Variants in SH3TC2 observed in about 807,000 individuals in gnomAD.
The protein encoded by SH3TC2 is SH3 domain and tetratricopeptide repeats 2, also known as SH3 domain and tetratricopeptide repeat-containing protein 2.
A neutral mutation model predicts 124.5 loss-of-function variants in SH3TC2; 87 were observed. The observed-to-expected ratio is 0.70, with a 90% CI of 0.59 to 0.84. The LOEUF (loss-of-function observed/expected upper bound fraction) is 0.84, where lower values mean the gene tolerates loss of function less well. SH3TC2 is among the 40% of genes least tolerant of loss of function. The pLI is 0.00. For missense variants in SH3TC2, 1,536 were observed against 1,566.4 expected (o/e 0.98, Z 0.33); for synonymous variants, 634 against 628.5 (o/e 1.01, Z -0.13).
intron 3 of SH3TC2, chr5:149,046,479 G>A (rs1284448934): frequency 2.0e-5 from 3 of 152,150 alleles, no homozygotes; most frequent in Non-Finnish European, 4.4e-5. Flanking sequence ...TTTCTTTCTT[G>A]GAAGTACATA....
At chr5:149,011,959 A>C (rs1364150665) in intron 13 of SH3TC2, among the ~76,000 whole-genome samples, 1 of 152,192 alleles carries the variant, frequency 6.6e-6, no homozygotes, top group Non-Finnish European at 1.5e-5. Context: ...AGTGAGATAT[A>C]TAATTTTTGT....
chr5:149,026,149 T>C (rs1432825992), intron 12 of SH3TC2: 4 of 177,356 alleles, frequency 2.3e-5, no homozygotes, highest in Admixed American at 1.6e-4. Flanking sequence ...AAGGTTCTTC[T>C]GTCCTTGGTA....
Position 149,027,559 on chromosome 5 carries a change from G to A in SH3TC2, c.2173C>T (p.Pro725Ser), listed in dbSNP as rs1187551270. 1 of 1,614,234 alleles carries A rather than the reference G, an allele frequency of 6.2e-7. No individual in the cohort carries two copies. Among genetic ancestry groups the A allele is most frequent in the Non-Finnish European group, 8.5e-7 (1 of 1,180,050 alleles). Reference protein sequence around the residue: ...LQNTTKLLGFPSPGWGEVSAL... With the variant: ...LQNTTKLLGFSSPGWGEVSAL... Reference sequence around the variant, plus strand: ...GAAACTTCACCCCAGCCTGGGGAAGGAAAGCCAAGGAGCTTGGTTGTGTTC... The same window carrying A: ...GAAACTTCACCCCAGCCTGGGGAAGAAAAGCCAAGGAGCTTGGTTGTGTTC... The change falls in exon 11 of 17, where the codon CCT (proline) becomes TCT (serine). Residue 725 changes from proline to serine, a missense_variant. This residue lies in a region of SH3TC2 where 1,102 missense variants were observed against 1,098.6 expected (regional missense o/e 1.00). Transcript: ENST00000515425.
intron 8 of SH3TC2, chr5:149,034,515 C>T: frequency 7.3e-6 from 3 of 413,200 alleles, no homozygotes; most frequent in Non-Finnish European, 1.5e-5. Flanking sequence ...AGAAACACAC[C>T]AAGTCCTGAG....
rs1024930411 is a variant in SH3TC2 at position 148,989,796 on chromosome 5, T to G, written c.*14915A>C. Among the ~76,000 whole-genome samples, 1 of 152,146 alleles carries G rather than the reference T, an allele frequency of 6.6e-6. No individual in the cohort carries two copies. Among genetic ancestry groups the G allele is most frequent in the African/African-American group, 2.4e-5 (1 of 41,432 alleles). ...ACCCAAGAGCTTCAACAATCTGGTA[T>G]TCAGAAGCAGCTGGAATGAACGGAG... On this transcript the variant is annotated 3_prime_UTR_variant, in exon 17 of 17. Transcript: ENST00000515425.
In SH3TC2 at chr5:149,026,840, G is replaced by A. The variant is rs372528082; in HGVS notation, c.2872+20C>T. 3.1e-6 allele frequency: 5 copies of A among 1,614,088 alleles called. No individual in the cohort carries two copies. The highest frequency in any genetic ancestry group is 4.2e-6 in the Non-Finnish European group (5 of 1,180,034). On this transcript the variant is annotated intron_variant, in intron 11 of 16. Transcript: ENST00000515425. ...CAACACTTTTCTCTATAGCTTCCCA[G>A]CAGCATGGGACATACTTACTCTTTA...
At chr5:149,052,828 G>T (rs1009097905) in intron 1 of SH3TC2, among the ~76,000 whole-genome samples, 3 of 152,138 alleles carry the variant, frequency 2.0e-5, no homozygotes, top group Non-Finnish European at 2.9e-5. Context: ...GGCTAGGGCT[G>T]GGGAGGAGGA....
intron 12 of SH3TC2, among the ~76,000 whole-genome samples, chr5:149,021,872 C>A (rs1753976511): frequency 4.5e-5 from 3 of 66,116 alleles, no homozygotes; most frequent in African/African-American, 2.7e-4. Context: ...ACCAATCCTT[C>A]ACAAACTCTT....
At chr5:149,055,203 A>G (rs753670510) in intron 1 of SH3TC2, among the ~76,000 whole-genome samples, 1 of 152,186 alleles carries the variant, frequency 6.6e-6, no homozygotes, top group Non-Finnish European at 1.5e-5. Context: ...AACTTCTATT[A>G]ATCAAAAGAT....
Position 148,994,533 on chromosome 5 carries a change from G to A in SH3TC2, c.*10178C>T, listed in dbSNP as rs529290892. Among the ~76,000 whole-genome samples, 8 of 152,248 alleles carry A rather than the reference G, an allele frequency of 5.3e-5. No homozygotes were observed. The East Asian group carries it at 1.5e-3, about 29-fold the overall frequency. On this transcript the variant is annotated 3_prime_UTR_variant, in exon 17 of 17. Coordinates refer to ENST00000515425, the MANE Select transcript of SH3TC2 (RefSeq NM_024577.4). ...TCACTGGATTGTGAGTTTAGCACAT[G>A]AGAGGTGTTGAATATTGGTTAGTTG... is the stretch of plus-strand genomic sequence containing the variant.
intron 3 of SH3TC2, 48 bp from the exon 4 acceptor site, chr5:149,044,686 A>G (rs773111761): frequency 7.0e-7 from 1 of 1,433,560 alleles, no homozygotes. Flanking sequence ...GAAGTGTCCC[A>G]TTAGCAAGCT....
intron 12 of SH3TC2, among the ~76,000 whole-genome samples, chr5:149,024,021 T>C (rs1044335968): frequency 3.9e-5 from 6 of 152,286 alleles, no homozygotes; most frequent in Middle Eastern, 3.4e-3. Context: ...TAATACTATA[T>C]AGGCCAGTGT....
intron 4 of SH3TC2, chr5:149,043,668 ACT>A (rs1754409446): frequency 6.9e-6 from 1 of 145,466 alleles, no homozygotes; most frequent in South Asian, 2.2e-4. Context: ...TTTTTAACAG[ACT>A]CTATGTGCTG....
In SH3TC2 at chr5:149,027,789, C is replaced by T. The variant is rs149077357; in HGVS notation, c.1943G>A (p.Arg648Gln). 2.3e-5 allele frequency: 37 copies of T among 1,613,928 alleles called. No homozygotes were observed. The highest frequency in any genetic ancestry group is 1.1e-4 in the African/African-American group (8 of 75,062). ...LAIRLLLSLG[R>Q]HEEVLPFAER... ...GGCAAAGGGCAGGACCTCCTCGTGC[C>T]GGCCTAGGCTCAGGAGCAAGCGGAT... The change falls in exon 11 of 17, where the codon CGG (arginine) becomes CAG (glutamine). Residue 648 changes from arginine to glutamine, a missense_variant. Physicochemically the swap from Arg to Gln is conservative, Grantham distance 43 (BLOSUM62 1). This residue lies in a region of SH3TC2 where 1,102 missense variants were observed against 1,098.6 expected (regional missense o/e 1.00). Transcript: ENST00000515425.
At chr5:149,043,611 C>T (rs1393525376) in intron 4 of SH3TC2, 1 of 149,816 alleles carries the variant, frequency 6.7e-6, no homozygotes, top group Non-Finnish European at 1.5e-5. Context: ...ACTACAAATG[C>T]TTAGTAAAGG....
At position 148,998,989 on chromosome 5, in the gene SH3TC2, A is replaced by G. The variant is rs1464989123; in HGVS notation, c.*5722T>C. ...GCTTAACGGTGTGGGACCCAGGAATAGATGTGCTTATTAAGAATCTACTCA... is the reference window on the plus strand; with the variant it reads ...GCTTAACGGTGTGGGACCCAGGAATGGATGTGCTTATTAAGAATCTACTCA... On this transcript the variant is annotated 3_prime_UTR_variant, in exon 17 of 17. Coordinates refer to ENST00000515425, the MANE Select transcript of SH3TC2 (RefSeq NM_024577.4). Among the ~76,000 whole-genome samples, 1 of 152,194 alleles carries G rather than the reference A, an allele frequency of 6.6e-6. No individual in the cohort carries two copies. The highest frequency in any genetic ancestry group is 1.5e-5 in the Non-Finnish European group (1 of 68,040).
Position 149,038,626 on chromosome 5 carries a change from C to A in SH3TC2, c.806-136G>T, listed in dbSNP as rs1181288697. ...ACCAGTAACATTTCACTCCCCTCCC[C>A]ACCCAAAAATTGGCAGGAATGACAC... On this transcript the variant is annotated intron_variant, in intron 7 of 16. Coordinates refer to ENST00000515425, the MANE Select transcript of SH3TC2 (RefSeq NM_024577.4). The A allele has an allele frequency of 6.8e-5, 63 of 925,988 alleles. No homozygotes were observed. In the East Asian group the frequency reaches 1.5e-3, roughly 22 times the overall value. The allele number at this position is 925,988 out of a possible 1,614,324, so 57.4% of individuals were successfully genotyped here. A position where few individuals can be genotyped will look rare whatever the true frequency, so the allele number is the denominator to read the frequency against.
rs151317042 is a variant in SH3TC2, at chr5:149,027,426, T to C, written c.2306A>G (p.Glu769Gly). 6.6e-5 allele frequency: 106 copies of C among 1,614,102 alleles called. No homozygotes were observed. The African/African-American group carries it at 1.3e-3, about 19-fold the overall frequency. ...GATGGCACCGTCAGGAGACCTGTGC[T>C]CGAGGTACACTTTGGAAAGGATGAG... ...LCLILSKVYL[E>G]HRSPDGAIHY... The change falls in exon 11 of 17, where the codon GAG becomes GGG. Residue 769 changes from glutamate to glycine, a missense_variant. Physicochemically the swap from Glu to Gly is moderately conservative, Grantham distance 98. Coordinates refer to ENST00000515425, the MANE Select transcript of SH3TC2 (RefSeq NM_024577.4).
chr5:149,033,054 T>C (rs896394558), intron 8 of SH3TC2, among the ~76,000 whole-genome samples: 1 of 152,222 alleles, frequency 6.6e-6, no homozygotes, highest in Non-Finnish European at 1.5e-5. Context: ...AACAACTTTA[T>C]GGTGCAGGTT....
Sources: gnomAD v4.1 joint callset for allele counts (sites outside exome capture counted in the v4.1 genomes callset) on GRCh38, gnomAD v4.1.1 for gene constraint, gnomAD v4.1.1 regional missense constraint, MANE v1.5 for transcripts, NCBI Gene and HGNC (gene_info 2026-07-23, HGNC 2026-07-21) for gene names.